YBX3: variants seen among roughly 807,000 people sequenced by gnomAD.
The protein encoded by YBX3 is Y-box-binding protein 3.
A neutral mutation model predicts 42.4 loss-of-function variants in YBX3; 29 were observed. The ratio of observed to expected loss-of-function variants is 0.68; its 90% CI spans 0.51 to 0.93. The LOEUF (loss-of-function observed/expected upper bound fraction) is 0.93. Ranked by LOEUF, YBX3 falls within the 40% of genes least tolerant of loss-of-function variation. The pLI is 0.00. For synonymous variants in YBX3, 195 were observed against 189.8 expected, an observed-to-expected ratio of 1.03 and a Z score of -0.22; for missense variants, 517 against 527.5, an observed-to-expected ratio of 0.98 and a Z score of 0.19.
chr12:10,709,886 G>C, intron 6 of YBX3, 22 bp downstream of exon 6: 2 of 1,613,056 alleles, frequency 1.2e-6, no homozygotes, highest in Non-Finnish European at 1.7e-6. Flanking sequence ...TTGCTGAAGA[G>C]AAGTCTCAGT....
rs1378757836 is a variant in YBX3 at position 10,709,800 on chromosome 12, C to A, written c.780+108G>T. 2.2e-6 allele frequency: 3 copies of A among 1,353,972 alleles called. No homozygotes were observed. In the East Asian group the frequency reaches 7.0e-5, roughly 31 times the overall value. 83.9% of individuals were successfully genotyped at this position (1,353,972 alleles called of 1,614,324 possible). On this transcript the variant is annotated intron_variant, in intron 6 of 9. Coordinates refer to ENST00000228251, the MANE Select transcript of YBX3 (RefSeq NM_003651.5). ...CTCAGCTTTTGTAGCATCAGGAAGCCATAAGCAAGGTTTCTGGCAGCTGAT... is the reference window on the plus strand; with the variant it reads ...CTCAGCTTTTGTAGCATCAGGAAGCAATAAGCAAGGTTTCTGGCAGCTGAT...
chr12:10,709,825 T>C (rs946632013), intron 6 of YBX3, 83 bp downstream of exon 6: 47 of 1,507,624 alleles, frequency 3.1e-5, no homozygotes, highest in Admixed American at 5.1e-5. Context: ...TGGCAGCTGA[T>C]GTTGGAGGAG....
Position 10,704,067 on chromosome 12 carries a change from G to A in YBX3, c.862C>T (p.Arg288Cys), listed in dbSNP as rs769787844. Residue 288 changes from arginine (R) to cysteine (C), a missense_variant, in exon 7 of 10, where the codon CGC becomes TGC. By Grantham distance (180) the Arg-to-Cys change is radical. Around this residue, in one of 3 missense-constraint regions of YBX3, gnomAD observed 420 missense variants for 408.5 expected, o/e 1.03. Coordinates refer to ENST00000228251, the MANE Select transcript of YBX3 (RefSeq NM_003651.5). ...GCGACATACCTACGGTACCTTGGGC[G>A]GTAAGTTGGATTTCGATGAACCGGT... ...QGPVHRNPTY[R>C]PRYRSRGPPR... 10 of 1,614,012 alleles carry A rather than the reference G, an allele frequency of 6.2e-6. No homozygotes were observed. Among genetic ancestry groups the A allele is most frequent in the African/African-American group, 2.7e-5 (2 of 74,886 alleles).
intron 9 of YBX3, among the ~76,000 whole-genome samples, chr12:10,700,147 T>G (rs1436346355): frequency 2.6e-5 from 4 of 152,290 alleles, no homozygotes; most frequent in Admixed American, 6.5e-5. Flanking sequence ...ATCAGCTAAT[T>G]CCAAGTTTGA....
Position 10,709,995 on chromosome 12 carries a change from C to A in YBX3, c.693G>T (p.Gln231His), listed in dbSNP as rs754694114. Residue 231 changes from glutamine (Q) to histidine (H), a missense_variant, in exon 6 of 10, where the codon CAG becomes CAT. By Grantham distance (24) the Gln-to-His change is conservative. Transcript: ENST00000228251. Reference sequence around the variant, plus strand: ...AAGGCGGGAACCGCCGCTGCCGGTACTGAGGGCGATACTGGGGGCGGCGCA... The same window carrying A: ...AAGGCGGGAACCGCCGCTGCCGGTAATGAGGGCGATACTGGGGGCGGCGCA... ...NQLRRPQYRP[Q>H]YRQRRFPPYH... 6.2e-7 allele frequency: 1 copy of A among 1,614,066 alleles called. No individual in the cohort carries two copies. The highest frequency in any genetic ancestry group is 1.3e-5 in the African/African-American group (1 of 74,954).
chr12:10,707,918 T>TG (rs1168460644), intron 6 of YBX3, among the ~76,000 whole-genome samples: 4 of 152,236 alleles, frequency 2.6e-5, no homozygotes. Flanking sequence ...CCAGAAAGAC[T>TG]GGATGACAAG....
At chr12:10,711,106 A>G (rs1948195073) in intron 5 of YBX3, 1 of 152,070 alleles carries the variant, frequency 6.6e-6, no homozygotes, top group Non-Finnish European at 1.5e-5. Flanking sequence ...GTTTCTAAAT[A>G]ATAGATCTTA....
chr12:10,714,761 TC>T (rs1948240757), intron 4 of YBX3, among the ~76,000 whole-genome samples: 3 of 151,752 alleles, frequency 2.0e-5, no homozygotes, highest in South Asian at 2.1e-4. Flanking sequence ...GTTTTTCTTT[TC>T]TTTTTTTTTT....
At chr12:10,714,465 G>C (rs1390741432) in intron 4 of YBX3, among the ~76,000 whole-genome samples, 1 of 152,112 alleles carries the variant, frequency 6.6e-6, no homozygotes, top group African/African-American at 2.4e-5. Flanking sequence ...TACAGACACG[G>C]AATTAAATAT....
chr12:10,716,975 G>GCTGTATT (rs1948270234), intron 3 of YBX3, among the ~76,000 whole-genome samples: 4 of 152,152 alleles, frequency 2.6e-5, no homozygotes, highest in Admixed American at 1.3e-4. Context: ...CAACTTCTGA[G>GCTGTATT]GACCTTGACT....
Position 10,719,133 on chromosome 12 carries a change from G to T in YBX3, c.273C>A (p.Val91=). 6.2e-7 allele frequency: 1 copy of T among 1,613,426 alleles called. No homozygotes were observed. Among genetic ancestry groups the T allele is most frequent in the Non-Finnish European group, 8.5e-7 (1 of 1,179,634 alleles). The part of the protein sequence containing the change: ...DAEKKVLATK[V]LGTVKWFNVR... ...CGTTGAACCATTTGACAGTGCCAAGGACTTTGGTGGCTAAAATAGGATTAA... is the reference window on the plus strand; with the variant it reads ...CGTTGAACCATTTGACAGTGCCAAGTACTTTGGTGGCTAAAATAGGATTAA... The change falls in exon 2 of 10, where the codon GTC becomes GTA. Residue 91 remains valine (V), a synonymous_variant. Transcript: ENST00000228251.
At chr12:10,701,541 G>A (rs780989333) in intron 8 of YBX3, among the ~76,000 whole-genome samples, 188 bp from the exon 9 acceptor site, 14 of 151,910 alleles carry the variant, frequency 9.2e-5, no homozygotes, top group Non-Finnish European at 1.5e-4. Context: ...AAAACAAAAC[G>A]AAACCAAAAC....
At chr12:10,701,860 T>C in intron 8 of YBX3, 100 bp downstream of exon 8, 1 of 1,353,868 alleles carries the variant, frequency 7.4e-7, no homozygotes, top group Non-Finnish European at 1.0e-6. Flanking sequence ...TTATATTTGT[T>C]AAGTGTCAGG....
chr12:10,714,736 T>C (rs1948240193), intron 4 of YBX3, among the ~76,000 whole-genome samples: 1 of 152,132 alleles, frequency 6.6e-6, no homozygotes, highest in Non-Finnish European at 1.5e-5. Flanking sequence ...AAAAGAAATC[T>C]TTTGCCCCAA....
At position 10,701,130 on chromosome 12, in the gene YBX3, TAG is replaced by T. The variant is rs1394877720; in HGVS notation, c.*34+122_*34+123del. 3 of 612,948 alleles carry T rather than the reference TAG, an allele frequency of 4.9e-6. No individual in the cohort carries two copies. In the Admixed American group the frequency reaches 9.1e-5, roughly 19 times the overall value. 38.0% of individuals were successfully genotyped at this position (612,948 alleles called of 1,614,324 possible). A position where few individuals can be genotyped will look rare whatever the true frequency, so the allele number is the denominator to read the frequency against. On this transcript the variant is annotated intron_variant, in intron 9 of 9. Transcript: ENST00000228251. ...AATCACTTTTTCCACAGAGTCCCAA[TAG>T]AGACAAGGGGTTGGCACAGATGAAC...
chr12:10,708,908 T>G (rs1190832156), intron 6 of YBX3, among the ~76,000 whole-genome samples: 2 of 152,218 alleles, frequency 1.3e-5, no homozygotes, highest in Non-Finnish European at 2.9e-5. Context: ...TAAAAATAAG[T>G]GCATATTACA....
At chr12:10,722,696 G>A (rs1286988331) in intron 1 of YBX3, among the ~76,000 whole-genome samples, 154 bp downstream of exon 1, 3 of 151,994 alleles carry the variant, frequency 2.0e-5, no homozygotes, top group Non-Finnish European at 4.4e-5. Flanking sequence ...CTGGGGACCC[G>A]GAGACCCCTG....
intron 5 of YBX3, chr12:10,710,454 C>T (rs1021674875): frequency 2.5e-6 from 3 of 1,218,944 alleles, no homozygotes; most frequent in East Asian, 5.3e-5. Context: ...CCATCAAATG[C>T]GTGTCTCCCA....
At chr12:10,708,622 T>G (rs1054027899) in intron 6 of YBX3, among the ~76,000 whole-genome samples, 2 of 152,194 alleles carry the variant, frequency 1.3e-5, no homozygotes, top group Non-Finnish European at 2.9e-5. Context: ...TGACATGGAA[T>G]AGGTAGGAAA....
Sources: allele counts gnomAD v4.1 joint callset (sites outside exome capture counted in the v4.1 genomes callset), GRCh38; gene constraint gnomAD v4.1.1; regional missense constraint gnomAD v4.1.1; transcripts MANE v1.5; gene names NCBI Gene and HGNC (gene_info 2026-07-23, HGNC 2026-07-21).